The following LRBA variants were observed in gnomAD, a reference collection of about 807,000 sequenced individuals.
LRBA encodes lipopolysaccharide-responsive and beige-like anchor protein.
Under a neutral mutation model 330.0 loss-of-function variants are expected in LRBA, and 176 were observed. That is an observed-to-expected ratio of 0.53 (90% confidence interval 0.47 to 0.60). The LOEUF is 0.60. Among genes scored for constraint, LRBA ranks in the 20% least tolerant of loss-of-function variants. The pLI is 0.00. For synonymous variants in LRBA, 1,230 were observed against 1,193.0 expected (o/e 1.03, Z -0.64); for missense variants, 3,259 against 3,444.8 (o/e 0.95, Z 1.35).
intron 2 of LRBA, among the ~76,000 whole-genome samples, chr4:150,935,447 G>C (rs1346593531): frequency 2.7e-4 from 41 of 151,918 alleles, no homozygotes; most frequent in Non-Finnish European, 1.5e-5. Flanking sequence ...ACATACACAA[G>C]ACTTGAAAGT....
intron 47 of LRBA, among the ~76,000 whole-genome samples, chr4:150,411,366 C>G (rs1369278837): frequency 1.3e-5 from 2 of 152,126 alleles, no homozygotes; most frequent in Non-Finnish European, 2.9e-5. Context: ...GGTTCACTAC[C>G]AAAATCATGC....
At position 151,007,849 on chromosome 4, in the gene LRBA, T is replaced by A. The variant is rs1744289541; in HGVS notation, c.216+6578A>T. ...TCCAGCTTGGGCCACAGAGCAAGAC[T>A]CCATCTCAAAAAAAAAAAAAAAAAG... On this transcript the variant is annotated intron_variant, in intron 2 of 56. Coordinates refer to ENST00000651943, the MANE Select transcript of LRBA (RefSeq NM_001364905.1). Among the ~76,000 whole-genome samples, 4 of 68,432 alleles carry A rather than the reference T, an allele frequency of 5.8e-5. 1 individual carries two copies. The South Asian group carries it at 2.8e-3, about 48-fold the overall frequency. 44.9% of individuals were successfully genotyped at this position (68,432 alleles called of 152,430 possible).
rs1407586395 is a variant in LRBA, at chr4:150,265,643, T to G, written c.*79A>C. The G allele has an allele frequency of 1.1e-6, 1 of 927,590 alleles. No individual in the cohort carries two copies. The highest frequency in any genetic ancestry group is 1.8e-6 in the Non-Finnish European group (1 of 563,596). The allele number at this position is 927,590 out of a possible 1,614,324, so 57.5% of individuals were successfully genotyped here. On this transcript the variant is annotated 3_prime_UTR_variant, in exon 57 of 57. Transcript: ENST00000651943. ...CTTCTTTGAGCAAATTTAAGTTACA[T>G]TCAGATGTGGTAGAAGAGAATGATG...
In LRBA at chr4:150,659,141, C is replaced by G. The variant is rs1246866299; in HGVS notation, c.5921+24410G>C. On this transcript the variant is annotated intron_variant, in intron 37 of 56. Coordinates refer to ENST00000651943, the MANE Select transcript of LRBA (RefSeq NM_001364905.1). ...TGCAGCCTCTGCCCGGCCGCCACCC[C>G]GTCTGGGAAGGGAGGAGTGTCTCTG... Among the ~76,000 whole-genome samples, 4 of 137,590 alleles carry G rather than the reference C, an allele frequency of 2.9e-5. No individual in the cohort carries two copies. The East Asian group carries it at 9.5e-4, about 33-fold the overall frequency. 90.3% of individuals were successfully genotyped at this position (137,590 alleles called of 152,430 possible).
intron 37 of LRBA, among the ~76,000 whole-genome samples, chr4:150,647,487 T>C (rs879583937): frequency 6.7e-6 from 1 of 150,078 alleles, no homozygotes; most frequent in Admixed American, 7.0e-5. Context: ...GCCTCTGTAG[T>C]AGCAGGGACC....
intron 41 of LRBA, among the ~76,000 whole-genome samples, chr4:150,489,312 G>T: frequency 2.0e-5 from 1 of 49,758 alleles, no homozygotes; most frequent in African/African-American, 8.6e-5. Flanking sequence ...TTATATATAA[G>T]AATATATAAA....
intron 35 of LRBA, among the ~76,000 whole-genome samples, chr4:150,759,680 T>A (rs1342636782): frequency 1.3e-5 from 2 of 152,218 alleles, no homozygotes; most frequent in South Asian, 2.1e-4. Context: ...TACTTTTTTT[T>A]TTATTGTTTA....
At chr4:150,566,023 T>C (rs1390519239) in intron 40 of LRBA, among the ~76,000 whole-genome samples, 1 of 148,416 alleles carries the variant, frequency 6.7e-6, no homozygotes, top group East Asian at 2.0e-4. Context: ...AACCCAGGAG[T>C]TCAAGACCAG....
intron 28 of LRBA, among the ~76,000 whole-genome samples, chr4:150,843,649 T>C (rs1386100095): frequency 4.6e-5 from 7 of 152,184 alleles, no homozygotes; most frequent in African/African-American, 1.7e-4. Flanking sequence ...CATTCAGAAG[T>C]TGAACATTTT....
chr4:150,799,965 G>A (rs766150716), intron 33 of LRBA, among the ~76,000 whole-genome samples: 6 of 152,138 alleles, frequency 3.9e-5, no homozygotes, highest in East Asian at 1.9e-4. Context: ...CGCTGGTCTC[G>A]AACTCCTGAC....
chr4:150,921,514 A>C (rs1733269704), intron 4 of LRBA, among the ~76,000 whole-genome samples: 1 of 152,186 alleles, frequency 6.6e-6, no homozygotes, highest in Admixed American at 6.5e-5. Context: ...AATAAATATG[A>C]GCCAGTATCA....
At position 150,559,694 on chromosome 4, in the gene LRBA, TA is replaced by T. The variant is rs1240809877; in HGVS notation, c.6330+28353del. Among the ~76,000 whole-genome samples, 7 of 90,482 alleles carry T rather than the reference TA, an allele frequency of 7.7e-5. No individual in the cohort carries two copies. The South Asian group carries it at 1.0e-3, about 13-fold the overall frequency. 59.4% of individuals were successfully genotyped at this position (90,482 alleles called of 152,430 possible). ...ATATTATATAATATATTATATTATA[TA>T]TTATATATTATATAATATTATAGAT... is the stretch of plus-strand genomic sequence containing the variant. On this transcript the variant is annotated intron_variant, in intron 40 of 56. Coordinates refer to ENST00000651943, the MANE Select transcript of LRBA (RefSeq NM_001364905.1).
chr4:150,332,164 G>A (rs1734080617), intron 48 of LRBA, among the ~76,000 whole-genome samples: 1 of 152,162 alleles, frequency 6.6e-6, no homozygotes, highest in Non-Finnish European at 1.5e-5. Context: ...AAGATGAATA[G>A]TTATCTAGCC....
intron 37 of LRBA, among the ~76,000 whole-genome samples, chr4:150,623,570 A>T (rs1776526544): frequency 6.6e-6 from 1 of 152,124 alleles, no homozygotes; most frequent in South Asian, 2.1e-4. Flanking sequence ...TGTGTTTATA[A>T]ATGCAAAAGA....
intron 48 of LRBA, 145 bp from the exon 49 acceptor site, chr4:150,326,043 C>CA: frequency 1.6e-6 from 1 of 635,278 alleles, no homozygotes; most frequent in East Asian, 2.7e-5. Context: ...GGGCTAACCA[C>CA]CTGGCAAGGG....
At chr4:150,381,997 C>A (rs1409894604) in intron 47 of LRBA, among the ~76,000 whole-genome samples, 5 of 152,134 alleles carry the variant, frequency 3.3e-5, no homozygotes, top group Admixed American at 3.3e-4. Flanking sequence ...CCCAGTTTTT[C>A]ATTAGACTAT....
chr4:150,762,073 C>T (rs779911581), intron 34 of LRBA, among the ~76,000 whole-genome samples: 3 of 151,846 alleles, frequency 2.0e-5, no homozygotes, highest in Admixed American at 1.3e-4. Context: ...TTTATCTTGC[C>T]CTTTTCATTA....
At chr4:150,858,007 T>C (rs146738408) in intron 22 of LRBA, among the ~76,000 whole-genome samples, 2 of 152,300 alleles carry the variant, frequency 1.3e-5, no homozygotes, top group East Asian at 1.9e-4. Context: ...GATTCATGTA[T>C]AGAAGAGAAG....
chr4:150,812,193 G>T (rs1743838402), intron 31 of LRBA, among the ~76,000 whole-genome samples: 1 of 152,056 alleles, frequency 6.6e-6, no homozygotes, highest in Non-Finnish European at 1.5e-5. Context: ...CAATCAATTT[G>T]TTTTAAATTA....
Sources: allele counts gnomAD v4.1 joint callset (sites outside exome capture counted in the v4.1 genomes callset), GRCh38; gene constraint gnomAD v4.1.1; transcripts MANE v1.5; gene names NCBI Gene and HGNC (gene_info 2026-07-23, HGNC 2026-07-21).